ELMO1: variants seen among roughly 807,000 people sequenced by gnomAD.
ELMO1 encodes the protein engulfment and cell motility protein 1.
A neutral mutation model predicts 98.9 loss-of-function variants in ELMO1; 26 were observed. The ratio of observed to expected loss-of-function variants is 0.26; its 90% CI spans 0.19 to 0.36. The LOEUF is 0.36. Among genes scored for constraint, ELMO1 ranks in the 10% least tolerant of loss-of-function variants. The pLI is 1.00. For synonymous variants in ELMO1, 346 were observed against 346.0 expected, an observed-to-expected ratio of 1.00 and a Z score of 0.00; for missense variants, 627 against 935.2, an observed-to-expected ratio of 0.67 and a Z score of 4.30.
At chr7:37,374,822 G>A (rs1802264743) in intron 1 of ELMO1, among the ~76,000 whole-genome samples, 2 of 152,124 alleles carry the variant, frequency 1.3e-5, no homozygotes, top group Non-Finnish European at 2.9e-5. Context: ...CAGCACTTTG[G>A]GAGGCTGAGG....
intron 6 of ELMO1, among the ~76,000 whole-genome samples, chr7:37,256,853 CAG>C (rs565425380): frequency 2.0e-5 from 3 of 152,124 alleles, no homozygotes; most frequent in South Asian, 2.1e-4. Flanking sequence ...CTCTAACTTG[CAG>C]AGTTATCAAT....
At chr7:37,231,718 T>C (rs1013300230) in intron 8 of ELMO1, among the ~76,000 whole-genome samples, 7 of 152,134 alleles carry the variant, frequency 4.6e-5, no homozygotes, top group Admixed American at 4.6e-4. Flanking sequence ...AAGGCATTCA[T>C]AGAAAAACAG....
At chr7:37,159,975 A>G (rs1000570259) in intron 13 of ELMO1, among the ~76,000 whole-genome samples, 2 of 152,168 alleles carry the variant, frequency 1.3e-5, no homozygotes, top group Admixed American at 1.3e-4. Context: ...TTTAATTTAG[A>G]CAATCCACAT....
Position 36,896,055 on chromosome 7 carries a change from T to C in ELMO1, c.1438-1038A>G, listed in dbSNP as rs181716503. Among the ~76,000 whole-genome samples the C allele has an allele frequency of 3.3e-5, 5 of 152,330 alleles. No homozygotes were observed. The East Asian group carries it at 9.7e-4, about 29-fold the overall frequency. ...GATATCAGGATTGTAAACACCCGAC[T>C]ATGCTGCCACCCATGCCACCATTCT... On this transcript the variant is annotated intron_variant, in intron 16 of 21. Coordinates refer to ENST00000310758, the MANE Select transcript of ELMO1 (RefSeq NM_014800.11).
At chr7:37,150,207 C>T (rs1788263216) in intron 13 of ELMO1, among the ~76,000 whole-genome samples, 1 of 152,022 alleles carries the variant, frequency 6.6e-6, no homozygotes, top group African/African-American at 2.4e-5. Context: ...TACCTCCCTT[C>T]AATATACTTC....
chr7:37,388,414 A>ATTTT (rs3054376), intron 1 of ELMO1, among the ~76,000 whole-genome samples: 32 of 149,298 alleles, frequency 2.1e-4, no homozygotes, highest in African/African-American at 4.4e-4. Context: ...TATGTAACTA[A>ATTTT]TTTTTTTTTT....
intron 15 of ELMO1, among the ~76,000 whole-genome samples, chr7:37,046,457 C>A (rs757296424): frequency 3.3e-5 from 5 of 152,144 alleles, no homozygotes; most frequent in Non-Finnish European, 7.4e-5. Flanking sequence ...TGGAACTGAC[C>A]CACTTGGAGC....
intron 14 of ELMO1, among the ~76,000 whole-genome samples, chr7:37,097,596 A>G (rs1467131696): frequency 6.6e-6 from 1 of 151,952 alleles, no homozygotes; most frequent in Non-Finnish European, 1.5e-5. Context: ...AAGAGAAAGA[A>G]AGAGAGAAAG....
intron 14 of ELMO1, among the ~76,000 whole-genome samples, chr7:37,131,205 G>A (rs527440137): frequency 2.0e-5 from 3 of 151,240 alleles, no homozygotes. Flanking sequence ...AAGTCAAATG[G>A]GACACAGAAA....
At chr7:37,146,916 T>C (rs1563033966) in intron 13 of ELMO1, among the ~76,000 whole-genome samples, 2 of 152,086 alleles carry the variant, frequency 1.3e-5, no homozygotes. Context: ...CTGTTATGGT[T>C]CTCATCCTAT....
chr7:37,349,738 G>A (rs2131291144), intron 1 of ELMO1, among the ~76,000 whole-genome samples: 1 of 152,336 alleles, frequency 6.6e-6, no homozygotes, highest in African/African-American at 2.4e-5. Context: ...ATAGGCGTGA[G>A]CCACCACACC....
In ELMO1 at chr7:37,233,158, G is replaced by A. The variant is rs147249735; in HGVS notation, c.486C>T (p.Phe162=). ...GDMLSFTLTA[F]VELMDHGIVS... ...CTATGCCATGGTCCATCAGCTCAAC[G>A]AAGGCCGTCAGGGTGAAGGACAGCA... The change falls in exon 8 of 22, where the codon TTC becomes TTT. Residue 162 remains phenylalanine (F), a synonymous_variant. Transcript: ENST00000310758. 2.0e-5 allele frequency: 33 copies of A among 1,613,462 alleles called. No homozygotes were observed. The highest frequency in any genetic ancestry group is 3.3e-5 in the Admixed American group (2 of 59,954).
chr7:36,989,555 T>C (rs1791734652), intron 16 of ELMO1, among the ~76,000 whole-genome samples: 1 of 151,366 alleles, frequency 6.6e-6, no homozygotes, highest in African/African-American at 2.4e-5. Context: ...ACATATAAAA[T>C]GGAAAAAGGC....
intron 16 of ELMO1, among the ~76,000 whole-genome samples, chr7:37,011,899 A>G (rs1793586768): frequency 6.6e-6 from 1 of 152,164 alleles, no homozygotes; most frequent in Non-Finnish European, 1.5e-5. Flanking sequence ...GTCTCTCACA[A>G]TCAAGCGAAG....
chr7:37,233,051 C>G, intron 8 of ELMO1, 44 bp downstream of exon 8: 2 of 1,513,958 alleles, frequency 1.3e-6, no homozygotes, highest in South Asian at 1.2e-5. Context: ...ATAGCTATGA[C>G]AGAAGACAGT....
At chr7:37,010,352 C>T (rs577828986) in intron 16 of ELMO1, among the ~76,000 whole-genome samples, 1 of 152,346 alleles carries the variant, frequency 6.6e-6, no homozygotes, top group South Asian at 2.1e-4. Flanking sequence ...CCTGAGAATA[C>T]GTTACCTTCT....
At chr7:37,194,229 C>A (rs910327016) in intron 13 of ELMO1, among the ~76,000 whole-genome samples, 2 of 152,220 alleles carry the variant, frequency 1.3e-5, no homozygotes, top group African/African-American at 4.8e-5. Context: ...TTTCCATTGG[C>A]CTTCTGGCTA....
chr7:36,903,806 G>T (rs953063896), intron 16 of ELMO1, among the ~76,000 whole-genome samples: 2 of 152,226 alleles, frequency 1.3e-5, no homozygotes, highest in East Asian at 3.9e-4. Context: ...CAACCAAAGA[G>T]CTGAGTCCTC....
chr7:37,018,696 CA>C (rs1465212670), intron 15 of ELMO1, among the ~76,000 whole-genome samples: 1 of 151,354 alleles, frequency 6.6e-6, no homozygotes, highest in African/African-American at 2.4e-5. Context: ...AGGCTGGTCT[CA>C]AACTCCTGAC....
Sources: gnomAD v4.1 joint callset for allele counts (sites outside exome capture counted in the v4.1 genomes callset) on GRCh38, gnomAD v4.1.1 for gene constraint, MANE v1.5 for transcripts, NCBI Gene and HGNC (gene_info 2026-07-23, HGNC 2026-07-21) for gene names.